The following LDB2 variants were observed in gnomAD, a reference collection of about 807,000 sequenced individuals.
LDB2 encodes LIM domain-binding protein 2.
Under a neutral mutation model 44.3 loss-of-function variants are expected in LDB2, and 12 were observed. The ratio of observed to expected loss-of-function variants is 0.27; its 90% confidence interval spans 0.17 to 0.44. LDB2 has a LOEUF of 0.44. LDB2 is among the 20% of genes least tolerant of loss of function. LDB2 has a pLI of 1.00. For missense variants in LDB2, 344 were observed against 473.5 expected, an observed-to-expected ratio of 0.73 and a Z score of 2.54; for synonymous variants, 164 against 174.8, an observed-to-expected ratio of 0.94 and a Z score of 0.49.
At chr4:16,851,452 G>T (rs1438219834) in intron 1 of LDB2, among the ~76,000 whole-genome samples, 1 of 151,988 alleles carries the variant, frequency 6.6e-6, no homozygotes, top group Non-Finnish European at 1.5e-5. Flanking sequence ...AAATTAGCCG[G>T]GCATGGTGGT....
intron 5 of LDB2, among the ~76,000 whole-genome samples, chr4:16,583,019 G>A (rs1013120971): frequency 5.3e-5 from 8 of 152,234 alleles, no homozygotes; most frequent in African/African-American, 1.4e-4. Context: ...CAGCGTCTGT[G>A]TTCAGCCCCA....
chr4:16,682,434 C>G (rs1430274657), intron 2 of LDB2, among the ~76,000 whole-genome samples: 1 of 152,142 alleles, frequency 6.6e-6, no homozygotes, highest in African/African-American at 2.4e-5. Context: ...CCTCACAGCC[C>G]ACTGAGCCTC....
intron 1 of LDB2, among the ~76,000 whole-genome samples, chr4:16,792,997 GC>G (rs763906483): frequency 6.6e-6 from 1 of 152,134 alleles, no homozygotes; most frequent in Non-Finnish European, 1.5e-5. Flanking sequence ...AAGGAGCAGG[GC>G]CCCAAAGAAA....
chr4:16,617,548 A>G (rs930201899), intron 2 of LDB2, among the ~76,000 whole-genome samples: 6 of 152,074 alleles, frequency 3.9e-5, no homozygotes, highest in Non-Finnish European at 2.9e-5. Flanking sequence ...CTCGGGACAC[A>G]CTCGGTTTTG....
At chr4:16,645,017 C>T (rs1419598859) in intron 2 of LDB2, among the ~76,000 whole-genome samples, 1 of 152,206 alleles carries the variant, frequency 6.6e-6, no homozygotes, top group East Asian at 1.9e-4. Context: ...AAAACTCTTA[C>T]TATTGTTGAA....
At chr4:16,746,713 G>A (rs138337414) in intron 2 of LDB2, among the ~76,000 whole-genome samples, 2,417 of 152,298 alleles carry the variant, frequency 0.016, 67 homozygotes, top group African/African-American at 0.055. Flanking sequence ...CTTGAACCCA[G>A]GAGGCGGAGG....
In LDB2 at chr4:16,790,155, T is replaced by C. The variant is rs193211538; in HGVS notation, c.133-30895A>G. Among the ~76,000 whole-genome samples the C allele has an allele frequency of 8.6e-3, 1,311 of 152,326 alleles. 31 individuals are homozygous for C. The highest frequency in any genetic ancestry group is 0.036 in the Admixed American group (555 of 15,304). ...CTAAATACCAGACACTGAGTGCTTATAGGAAGGAAGTCTTTCCTGACAGCA... is the reference window on the plus strand; with the variant it reads ...CTAAATACCAGACACTGAGTGCTTACAGGAAGGAAGTCTTTCCTGACAGCA... On this transcript the variant is annotated intron_variant, in intron 1 of 7. Transcript: ENST00000304523.
intron 2 of LDB2, among the ~76,000 whole-genome samples, chr4:16,730,881 A>G (rs1760606001): frequency 6.6e-6 from 1 of 152,090 alleles, no homozygotes. Flanking sequence ...ACATACAACA[A>G]TCCTGTTCCA....
chr4:16,591,101 G>C (rs905599858), intron 3 of LDB2, among the ~76,000 whole-genome samples: 1 of 152,098 alleles, frequency 6.6e-6, no homozygotes, highest in Non-Finnish European at 1.5e-5. Context: ...TTTTTAAAGG[G>C]GGAGATTATT....
At chr4:16,570,462 CAAAAAAAAAAAAAAAAAAAAAAAAAA>C (rs71181175) in intron 5 of LDB2, among the ~76,000 whole-genome samples, 42 of 16,608 alleles carry the variant, frequency 2.5e-3, no homozygotes, top group Admixed American at 0.011. Context: ...GACTCTGTCT[CAAAAAAAAAAAAAAAAAAAAAAAAAA>C]AAAAAAAAAA....
chr4:16,686,809 A>G (rs747962837), intron 2 of LDB2, among the ~76,000 whole-genome samples: 13 of 152,130 alleles, frequency 8.5e-5, no homozygotes, highest in Non-Finnish European at 1.3e-4. Context: ...GGGTACAAAA[A>G]ACTGTCATTC....
chr4:16,657,497 C>T (rs1054911420), intron 2 of LDB2, among the ~76,000 whole-genome samples: 3 of 152,262 alleles, frequency 2.0e-5, no homozygotes, highest in South Asian at 2.1e-4. Flanking sequence ...CAGCAGCCAG[C>T]GTGATCTTTT....
intron 1 of LDB2, among the ~76,000 whole-genome samples, chr4:16,872,156 C>T (rs1032666620): frequency 2.6e-5 from 4 of 151,412 alleles, no homozygotes; most frequent in African/African-American, 9.7e-5. Flanking sequence ...TTTAAAGACC[C>T]AATTGTTAAA....
At chr4:16,892,490 T>C (rs2110527450) in intron 1 of LDB2, among the ~76,000 whole-genome samples, 1 of 152,386 alleles carries the variant, frequency 6.6e-6, no homozygotes, top group African/African-American at 2.4e-5. Context: ...CGAAGGTATT[T>C]GTAGTATCTA....
intron 2 of LDB2, among the ~76,000 whole-genome samples, chr4:16,615,169 G>C (rs756133549): frequency 4.6e-5 from 7 of 151,374 alleles, no homozygotes; most frequent in Non-Finnish European, 7.4e-5. Flanking sequence ...GCGTAAATTA[G>C]TTCAACCATT....
At chr4:16,624,640 C>T (rs28650855) in intron 2 of LDB2, among the ~76,000 whole-genome samples, 1 of 151,774 alleles carries the variant, frequency 6.6e-6, no homozygotes, top group African/African-American at 2.4e-5. Context: ...TCAATCATTG[C>T]TCAATAATAT....
chr4:16,643,144 A>G (rs1254012473), intron 2 of LDB2, among the ~76,000 whole-genome samples: 2 of 147,908 alleles, frequency 1.4e-5, no homozygotes, highest in Non-Finnish European at 3.0e-5. Flanking sequence ...TTATTACAAC[A>G]ATTCTCTAAC....
chr4:16,817,049 G>A (rs1781075591), intron 1 of LDB2, among the ~76,000 whole-genome samples: 1 of 152,112 alleles, frequency 6.6e-6, no homozygotes, highest in African/African-American at 2.4e-5. Context: ...CTTTGTGGGG[G>A]GAACAGGCCC....
chr4:16,683,989 G>A (rs1380908536), intron 2 of LDB2, among the ~76,000 whole-genome samples: 2 of 152,140 alleles, frequency 1.3e-5, no homozygotes, highest in Non-Finnish European at 2.9e-5. Context: ...TAGCAGTAAT[G>A]GATCAGAAGA....
Sources: allele counts gnomAD v4.1 joint callset (sites outside exome capture counted in the v4.1 genomes callset), GRCh38; gene constraint gnomAD v4.1.1; transcripts MANE v1.5; gene names NCBI Gene and HGNC (gene_info 2026-07-23, HGNC 2026-07-21).